Variants in UCK2 observed in about 807,000 individuals in gnomAD.
UCK2 encodes uridine-cytidine kinase 2, also known as cytidine monophosphokinase 2.
A neutral mutation model predicts 30.8 loss-of-function variants in UCK2; 6 were observed. The ratio of observed to expected loss-of-function variants is 0.19; its 90% CI spans 0.11 to 0.38. The LOEUF (loss-of-function observed/expected upper bound fraction) is 0.38. Among genes scored for constraint, UCK2 ranks in the 10% least tolerant of loss-of-function variants. UCK2 has a pLI of 1.00. For missense variants in UCK2, 210 were observed against 339.8 expected (o/e 0.62, Z 3.00); for synonymous variants, 125 against 133.6 (o/e 0.94, Z 0.45).
intron 1 of UCK2, among the ~76,000 whole-genome samples, chr1:165,856,895 C>T (rs1156438054): frequency 7.8e-6 from 1 of 128,590 alleles, no homozygotes; most frequent in Non-Finnish European, 1.6e-5. Flanking sequence ...CATAGGCGGC[C>T]CCAGGGTTTT....
rs1009608495 is a variant in UCK2, at chr1:165,827,621, G to C, written c.-213G>C. 13 of 380,370 alleles carry C rather than the reference G, an allele frequency of 3.4e-5. No homozygotes were observed. Among genetic ancestry groups the C allele is most frequent in the Middle Eastern group, 6.7e-4 (1 of 1,482 alleles). The allele number at this position is 380,370 out of a possible 1,614,324, so 23.6% of individuals were successfully genotyped here. On this transcript the variant is annotated 5_prime_UTR_variant, in exon 1 of 7. Transcript: ENST00000367879. ...CTGACCTCTGCCTGGGATGTAAACC[G>C]GACCAGCCGCTGCGGGCAAAGGAAG...
intron 1 of UCK2, among the ~76,000 whole-genome samples, chr1:165,839,932 C>T (rs7539793): frequency 0.39 from 58,697 of 152,140 alleles, 12,253 homozygotes; most frequent in Non-Finnish European, 0.47. Flanking sequence ...TCCCCCACCC[C>T]GGCCCCCGCC....
At chr1:165,894,138 G>C (rs1340726217) in intron 3 of UCK2, 1 of 152,106 alleles carries the variant, frequency 6.6e-6, no homozygotes, top group African/African-American at 2.4e-5. Context: ...ATATAATGCA[G>C]ATATTCCAAA....
At chr1:165,855,774 G>C (rs144407251) in intron 1 of UCK2, among the ~76,000 whole-genome samples, 242 of 152,282 alleles carry the variant, frequency 1.6e-3, no homozygotes, top group African/African-American at 5.5e-3. Context: ...GTGGGGACGT[G>C]GGGTGTGCAT....
chr1:165,891,273 G>A lies in UCK2; in HGVS notation c.307G>A (p.Glu103Lys). 1.2e-6 allele frequency: 2 copies of A among 1,614,168 alleles called. No homozygotes were observed. The highest frequency in any genetic ancestry group is 1.7e-6 in the Non-Finnish European group (2 of 1,180,014). Residue 103 changes from glutamate (E) to lysine (K), a missense_variant, in exon 3 of 7, where the codon GAA (glutamate) becomes AAA (lysine). Glu to Lys is a moderately conservative substitution (Grantham distance 56, BLOSUM62 1). Around this residue, in one of 4 missense-constraint regions of UCK2, gnomAD observed 75 missense variants for 124.7 expected, o/e 0.60. Coordinates refer to ENST00000367879, the MANE Select transcript of UCK2 (RefSeq NM_012474.5). ...LILKTLKEIT[E>K]GKTVQIPVYD... Reference sequence around the variant, plus strand: ...TCTCAAAACACTCAAAGAAATCACTGAAGGGAAAACAGTCCAGATCCCCGT... The same window carrying A: ...TCTCAAAACACTCAAAGAAATCACTAAAGGGAAAACAGTCCAGATCCCCGT...
intron 6 of UCK2, 120 bp from the exon 7 acceptor site, chr1:165,907,564 C>A: frequency 7.2e-7 from 1 of 1,394,044 alleles, no homozygotes; most frequent in Non-Finnish European, 9.7e-7. Context: ...AGTGGCAGAG[C>A]CACTTCCCTG....
At position 165,834,709 on chromosome 1, in the gene UCK2, GTTTC is replaced by G. The variant is rs1002711283; in HGVS notation, c.99+6789_99+6792del. On this transcript the variant is annotated intron_variant, in intron 1 of 6. Coordinates refer to ENST00000367879, the MANE Select transcript of UCK2 (RefSeq NM_012474.5). ...TGGCAATACTCTTTCCATAACATGG[GTTTC>G]TTTCTTTCTTTTTTTGTTTTTTTTA... Among the ~76,000 whole-genome samples the G allele has an allele frequency of 7.9e-5, 12 of 152,168 alleles. 1 individual carries two copies. The South Asian group carries it at 1.9e-3, about 24-fold the overall frequency.
At chr1:165,896,092 A>G in intron 3 of UCK2, 98 bp from the exon 4 acceptor site, 1 of 1,502,308 alleles carries the variant, frequency 6.7e-7, no homozygotes, top group East Asian at 2.3e-5. Flanking sequence ...GGGGGCAAGG[A>G]ACCCAGAACC....
At chr1:165,876,774 T>G (rs1046980437) in intron 1 of UCK2, among the ~76,000 whole-genome samples, 1 of 152,224 alleles carries the variant, frequency 6.6e-6, no homozygotes, top group African/African-American at 2.4e-5. Context: ...TGTTGGCCTC[T>G]TCTGGAAGAT....
At chr1:165,852,303 AT>A (rs1228495621) in intron 1 of UCK2, among the ~76,000 whole-genome samples, 1 of 152,210 alleles carries the variant, frequency 6.6e-6, no homozygotes, top group Non-Finnish European at 1.5e-5. Flanking sequence ...ATGGGAGAAA[AT>A]TTTTGCAATC....
At chr1:165,857,215 A>C (rs966241040) in intron 1 of UCK2, among the ~76,000 whole-genome samples, 5 of 152,178 alleles carry the variant, frequency 3.3e-5, no homozygotes, top group African/African-American at 1.2e-4. Context: ...CCAGTGGCAC[A>C]TCCAGTACTT....
intron 4 of UCK2, among the ~76,000 whole-genome samples, chr1:165,897,580 C>T (rs892774415): frequency 1.1e-4 from 16 of 152,166 alleles, no homozygotes; most frequent in African/African-American, 3.6e-4. Flanking sequence ...TCACAGGACA[C>T]ATTATTGACA....
chr1:165,875,531 G>A (rs779077448), intron 1 of UCK2, among the ~76,000 whole-genome samples: 3 of 152,096 alleles, frequency 2.0e-5, no homozygotes, highest in Non-Finnish European at 4.4e-5. Context: ...AAATCCCACA[G>A]GTTGGAAACT....
At chr1:165,874,560 T>A (rs941466765) in intron 1 of UCK2, among the ~76,000 whole-genome samples, 1 of 152,190 alleles carries the variant, frequency 6.6e-6, no homozygotes, top group Non-Finnish European at 1.5e-5. Context: ...TTTGGATGTC[T>A]TTAATAGACA....
At chr1:165,901,120 C>T (rs957723938) in intron 4 of UCK2, among the ~76,000 whole-genome samples, 3 of 152,180 alleles carry the variant, frequency 2.0e-5, no homozygotes, top group Admixed American at 1.3e-4. Flanking sequence ...TCTGCCAGAG[C>T]AGCAGGTCGG....
chr1:165,861,891 A>C (rs10494448), intron 1 of UCK2, among the ~76,000 whole-genome samples: 54,985 of 152,034 alleles, frequency 0.36, 10,192 homozygotes, highest in Non-Finnish European at 0.42. Flanking sequence ...CGCAGATTTC[A>C]TGATACCACT....
At chr1:165,834,984 C>G (rs1311788792) in intron 1 of UCK2, among the ~76,000 whole-genome samples, 1 of 152,052 alleles carries the variant, frequency 6.6e-6, no homozygotes, top group African/African-American at 2.4e-5. Context: ...CATAAGTATG[C>G]TATTTGGTCT....
chr1:165,908,104 AAAG>A lies in UCK2; in HGVS notation c.*282_*284del. 1 of 262,200 alleles carries A rather than the reference AAAG, an allele frequency of 3.8e-6. No individual in the cohort carries two copies. Among genetic ancestry groups the A allele is most frequent in the Non-Finnish European group, 7.2e-6 (1 of 138,508 alleles). The allele number at this position is 262,200 out of a possible 1,614,324, so 16.2% of individuals were successfully genotyped here. On this transcript the variant is annotated 3_prime_UTR_variant, in exon 7 of 7. Transcript: ENST00000367879. ...AGTTATAAATACATATATATATAAA[AAAG>A]GATCTATTTTTGTGTAAATGTACAA...
rs1437716326 is a variant in UCK2, at chr1:165,861,636, AAAAAAAAAAAAAAC to A, written c.100-28558_100-28545del. Among the ~76,000 whole-genome samples, 93 of 124,064 alleles carry A rather than the reference AAAAAAAAAAAAAAC, an allele frequency of 7.5e-4. 5 individuals carry two copies. The highest frequency in any genetic ancestry group is 1.4e-3 in the Non-Finnish European group (83 of 59,054). 81.4% of individuals were successfully genotyped at this position (124,064 alleles called of 152,430 possible). A position where few individuals can be genotyped will look rare whatever the true frequency, so the allele number is the denominator to read the frequency against. ...GAGCGAGACTCCGTCTCAAAAAAAA[AAAAAAAAAAAAAAC>A]AAAAAAAAACAACAGTAAAACTCAA... is the stretch of plus-strand genomic sequence containing the variant. On this transcript the variant is annotated intron_variant, in intron 1 of 6. Transcript: ENST00000367879.
Sources: allele counts gnomAD v4.1 joint callset (sites outside exome capture counted in the v4.1 genomes callset), GRCh38; gene constraint gnomAD v4.1.1; regional missense constraint gnomAD v4.1.1; transcripts MANE v1.5; gene names NCBI Gene and HGNC (gene_info 2026-07-23, HGNC 2026-07-21).